Variants in MAST3 observed in about 807,000 individuals in gnomAD.
MAST3 encodes the protein microtubule-associated serine/threonine-protein kinase 3.
A neutral mutation model predicts 127.0 loss-of-function variants in MAST3; 43 were observed. That is an observed-to-expected ratio of 0.34 (90% CI 0.27 to 0.44). The LOEUF (loss-of-function observed/expected upper bound fraction) is 0.44. Among genes scored for constraint, MAST3 ranks in the 20% least tolerant of loss-of-function variants. The pLI is 1.00. For synonymous variants in MAST3, 785 were observed against 809.2 expected (o/e 0.97, Z 0.51); for missense variants, 1,390 against 1,919.1 (o/e 0.72, Z 5.15).
intron 6 of MAST3, 55 bp from the exon 7 acceptor site, chr19:18,123,162 T>C: frequency 1.9e-6 from 3 of 1,596,982 alleles, no homozygotes; most frequent in Non-Finnish European, 2.6e-6. Flanking sequence ...GCTGGGTTCC[T>C]GGCCACAGCA....
At chr19:18,114,813 G>C (rs546189048) in intron 3 of MAST3, among the ~76,000 whole-genome samples, 4 of 152,150 alleles carry the variant, frequency 2.6e-5, no homozygotes, top group African/African-American at 9.7e-5. Context: ...TCCTTCTGGA[G>C]CCTCAAATCC....
rs779206753 is a variant in MAST3, at chr19:18,135,747, C to T, written c.1878C>T (p.Ile626=). The T allele has an allele frequency of 7.4e-6, 12 of 1,610,800 alleles. No individual in the cohort carries two copies. Among genetic ancestry groups the T allele is most frequent in the Non-Finnish European group, 9.3e-6 (11 of 1,178,330 alleles). The part of the protein sequence containing the change: ...ELFGQVVSDE[I]MWPEGDEALP... The stretch of plus-strand genomic sequence containing the variant: ...CTCCCTCCCTCATTTTAGATGAGAT[C>T]ATGTGGCCAGAGGGAGATGAGGCCC... Residue 626 remains isoleucine, a synonymous_variant, in exon 18 of 28, where the codon ATC becomes ATT. Transcript: ENST00000687212.
chr19:18,121,840 T>G lies in MAST3; in HGVS notation c.251-13T>G, dbSNP rs1465397433. 1.9e-6 allele frequency: 3 copies of G among 1,613,844 alleles called. No homozygotes were observed. Among genetic ancestry groups the G allele is most frequent in the South Asian group, 1.1e-5 (1 of 91,076 alleles). Reference sequence around the variant, plus strand: ...GCCCCGCTGACTCAGTTTCCCCGCCTCCTCCTCAGCAGGCAGCAGCCCCTT... The same window carrying G: ...GCCCCGCTGACTCAGTTTCCCCGCCGCCTCCTCAGCAGGCAGCAGCCCCTT... On this transcript the variant is annotated splice_polypyrimidine_tract_variant and intron_variant, in intron 4 of 27. Coordinates refer to ENST00000687212, the MANE Select transcript of MAST3 (RefSeq NM_001393504.1).
chr19:18,124,469 C>T, intron 10 of MAST3, 103 bp downstream of exon 10: 1 of 1,355,708 alleles, frequency 7.4e-7, no homozygotes, highest in Non-Finnish European at 1.0e-6. Flanking sequence ...TCGTGTAGGG[C>T]TTTGAGAGGA....
Position 18,133,549 on chromosome 19 carries a change from ATTT to A in MAST3, c.1572-1009_1572-1007del, listed in dbSNP as rs3048882. Among the ~76,000 whole-genome samples the A allele has an allele frequency of 2.8e-4, 26 of 91,840 alleles. No homozygotes were observed. The East Asian group carries it at 4.9e-3, about 17-fold the overall frequency. The allele number at this position is 91,840 out of a possible 152,430, so 60.3% of individuals were successfully genotyped here. On this transcript the variant is annotated intron_variant, in intron 15 of 27. Coordinates refer to ENST00000687212, the MANE Select transcript of MAST3 (RefSeq NM_001393504.1). The stretch of plus-strand genomic sequence containing the variant: ...CATGCGCCACCACTACGCCCAGCTA[ATTT>A]TTTTTTTTTTTTTTTTTTTTGAGAC...
At chr19:18,143,404 C>T (rs1184291033) in intron 21 of MAST3, among the ~76,000 whole-genome samples, 4 of 152,202 alleles carry the variant, frequency 2.6e-5, no homozygotes, top group East Asian at 1.9e-4. Context: ...GGTGTAACCC[C>T]GTCTCTACTA....
At position 18,145,688 on chromosome 19, in the gene MAST3, G is replaced by T; in HGVS notation, c.3040-55G>T. The stretch of plus-strand genomic sequence containing the variant: ...CCACAGCAGACCCAGCCTGGGCTGG[G>T]GTCCCCAGATGTGGGGCCCAGGCCA... On this transcript the variant is annotated intron_variant, in intron 24 of 27. Coordinates refer to ENST00000687212, the MANE Select transcript of MAST3 (RefSeq NM_001393504.1). This position sits in a 1 kb window ranked among gnomAD's most constrained non-coding sequence, Gnocchi z 5.9. The T allele has an allele frequency of 6.7e-7, 1 of 1,503,160 alleles. No individual in the cohort carries two copies. Among genetic ancestry groups the T allele is most frequent in the South Asian group, 1.3e-5 (1 of 74,718 alleles). 93.1% of individuals were successfully genotyped at this position (1,503,160 alleles called of 1,614,324 possible). A position where few individuals can be genotyped will look rare whatever the true frequency, so the allele number is the denominator to read the frequency against.
chr19:18,106,437 C>A (rs1322783304), intron 1 of MAST3, among the ~76,000 whole-genome samples: 1 of 152,044 alleles, frequency 6.6e-6, no homozygotes, highest in Non-Finnish European at 1.5e-5. Context: ...CAGGGTTTCA[C>A]CATGTTGGCC....
At position 18,144,535 on chromosome 19, in the gene MAST3, G is replaced by A; in HGVS notation, c.2654G>A (p.Arg885Lys). The change falls in exon 23 of 28, where the codon AGG becomes AAG. Residue 885 changes from arginine (R) to lysine (K), a missense_variant. Physicochemically the swap from Arg to Lys is conservative, Grantham distance 26. Transcript: ENST00000687212. The surrounding 1 kb of genome is among the most constrained non-coding windows in gnomAD (Gnocchi z 4.0). Reference protein sequence around the residue: ...NSIGARHSTPRPLDAGRGRRL... With the variant: ...NSIGARHSTPKPLDAGRGRRL... ...ATCGGCGCCCGACACTCCACACCAA[G>A]GCCTCTGGATGCCGGCCGGGGCCGC... The A allele has an allele frequency of 1.2e-6, 2 of 1,610,852 alleles. No homozygotes were observed. Among genetic ancestry groups the A allele is most frequent in the Non-Finnish European group, 1.7e-6 (2 of 1,179,464 alleles).
In MAST3 at chr19:18,110,088, C is replaced by G. The variant is rs1014459649; in HGVS notation, c.72-564C>G. On this transcript the variant is annotated intron_variant, in intron 2 of 27. Transcript: ENST00000687212. This position sits in a 1 kb window ranked among gnomAD's most constrained non-coding sequence, Gnocchi z 4.3. ...CTCCCCTTTCCCGCTGCGCGACCCTCGCTGCCGGGCCGGGCCTGCGCGCAG... is the reference window on the plus strand; with the variant it reads ...CTCCCCTTTCCCGCTGCGCGACCCTGGCTGCCGGGCCGGGCCTGCGCGCAG... The G allele has an allele frequency of 2.8e-5, 28 of 985,282 alleles. No homozygotes were observed. In the African/African-American group the frequency reaches 4.4e-4, roughly 15 times the overall value. The allele number at this position is 985,282 out of a possible 1,614,324, so 61.0% of individuals were successfully genotyped here. A position where few individuals can be genotyped will look rare whatever the true frequency, so the allele number is the denominator to read the frequency against.
chr19:18,118,406 C>G (rs898676147), intron 3 of MAST3, among the ~76,000 whole-genome samples: 9 of 152,224 alleles, frequency 5.9e-5, no homozygotes, highest in African/African-American at 1.9e-4. Flanking sequence ...TCGAGGTGTC[C>G]CCTGGGGTCC....
In MAST3 at chr19:18,149,212, G is replaced by C; in HGVS notation, c.3530G>C (p.Ser1177Thr). The C allele has an allele frequency of 6.5e-7, 1 of 1,544,166 alleles. No homozygotes were observed. ...VPADTTASPP[S>T]ASPSSSSPAS... ...ACAGATACCACTGCATCCCCACCCA[G>C]CGCATCCCCGAGCTCCAGCAGCCCC... Residue 1177 changes from serine (S) to threonine (T), a missense_variant, in exon 28 of 28, where the codon AGC becomes ACC. Coordinates refer to ENST00000687212, the MANE Select transcript of MAST3 (RefSeq NM_001393504.1). This position sits in a 1 kb window ranked among gnomAD's most constrained non-coding sequence, Gnocchi z 5.9.
chr19:18,118,218 G>A, intron 3 of MAST3: 2 of 985,314 alleles, frequency 2.0e-6, no homozygotes, highest in Non-Finnish European at 2.4e-6. Flanking sequence ...CATCGGAGCC[G>A]CCTGGCAAAA....
Position 18,143,973 on chromosome 19 carries a change from C to T in MAST3, c.2550C>T (p.Ala850=). 1.3e-6 allele frequency: 2 copies of T among 1,589,636 alleles called. No homozygotes were observed. Among genetic ancestry groups the T allele is most frequent in the Non-Finnish European group, 1.7e-6 (2 of 1,168,086 alleles). Residue 850 remains alanine, a synonymous_variant, in exon 22 of 28, where the codon GCC becomes GCT. Coordinates refer to ENST00000687212, the MANE Select transcript of MAST3 (RefSeq NM_001393504.1). The stretch of plus-strand genomic sequence containing the variant: ...GGGAGCCTGACCCCCCACCAGCGGC[C>T]ACCCCAGTGATGCCCAAGCCCTCGA... ...ILGEPDPPPA[A]TPVMPKPSSL...
intron 20 of MAST3, among the ~76,000 whole-genome samples, chr19:18,140,487 A>T (rs1416155400): frequency 1.3e-5 from 2 of 152,122 alleles, no homozygotes; most frequent in Non-Finnish European, 2.9e-5. Context: ...TTCCCCCAAA[A>T]ATTTGTACCC....
chr19:18,134,198 G>A (rs746633561), intron 15 of MAST3, among the ~76,000 whole-genome samples: 9 of 150,336 alleles, frequency 6.0e-5, no homozygotes, highest in Middle Eastern at 3.5e-3. Context: ...GCAAAACCCC[G>A]TCTCTACTAA....
chr19:18,135,572 C>T (rs975626075), intron 17 of MAST3, among the ~76,000 whole-genome samples, 168 bp from the exon 18 acceptor site: 2 of 152,188 alleles, frequency 1.3e-5, no homozygotes, highest in African/African-American at 4.8e-5. Flanking sequence ...GCATAGGGCA[C>T]AGCTGTGGCA....
intron 11 of MAST3, among the ~76,000 whole-genome samples, chr19:18,127,115 C>T (rs1391867128): frequency 2.0e-5 from 3 of 151,604 alleles, no homozygotes; most frequent in Admixed American, 1.3e-4. Context: ...CCAGGCGTGG[C>T]GGTGAATGCC....
rs573550109 is a variant in MAST3, at chr19:18,135,812, G to A, written c.1943G>A (p.Arg648Gln). Reference protein sequence around the residue: ...DAQDLITRLLRQSPLDRLGTG... With the variant: ...DAQDLITRLLQQSPLDRLGTG... ...CAGGACCTCATCACCAGGTTGCTCC[G>A]GCAGAGCCCGCTGGACCGTCTGGGC... Residue 648 changes from arginine (R) to glutamine (Q), a missense_variant, in exon 18 of 28, where the codon CGG becomes CAG. Physicochemically the swap from Arg to Gln is conservative, Grantham distance 43. Around this residue, in one of 5 missense-constraint regions of MAST3, gnomAD observed 191 missense variants for 409.0 expected, o/e 0.47. Transcript: ENST00000687212. The A allele has an allele frequency of 1.7e-5, 27 of 1,610,064 alleles. No individual in the cohort carries two copies. The highest frequency in any genetic ancestry group is 3.4e-5 in the Admixed American group (2 of 59,502).
Sources: allele counts gnomAD v4.1 joint callset (sites outside exome capture counted in the v4.1 genomes callset), GRCh38; gene constraint gnomAD v4.1.1; regional missense constraint gnomAD v4.1.1; non-coding constraint Gnocchi (gnomAD v3.1); transcripts MANE v1.5; gene names NCBI Gene and HGNC (gene_info 2026-07-23, HGNC 2026-07-21).